Variants in AFF3 observed in about 807,000 individuals in gnomAD.
AFF3 encodes the protein ALF transcription elongation factor 3, also known as AF4/FMR2 family member 3.
Under a neutral mutation model 129.7 loss-of-function variants are expected in AFF3, and 32 were observed. The observed-to-expected ratio is 0.25, with a 90% confidence interval of 0.19 to 0.33. The LOEUF (loss-of-function observed/expected upper bound fraction) is 0.33. Among genes scored for constraint, AFF3 ranks in the 10% least tolerant of loss-of-function variants. AFF3 has a pLI of 1.00. For missense variants in AFF3, 1,373 were observed against 1,592.0 expected, an observed-to-expected ratio of 0.86 and a Z score of 2.34; for synonymous variants, 644 against 635.4, an observed-to-expected ratio of 1.01 and a Z score of -0.20.
chr2:99,762,930 C>T (rs969503822), intron 8 of AFF3, among the ~76,000 whole-genome samples: 14 of 152,234 alleles, frequency 9.2e-5, no homozygotes, highest in South Asian at 8.3e-4. Context: ...TCTTCTCACA[C>T]GTATTATTCG....
At chr2:99,561,227 T>A (rs1168769812) in intron 20 of AFF3, among the ~76,000 whole-genome samples, 1 of 152,236 alleles carries the variant, frequency 6.6e-6, no homozygotes, top group Non-Finnish European at 1.5e-5. Flanking sequence ...GCCAATCACA[T>A]AACATTGTGT....
chr2:99,643,835 G>A (rs1038354165), intron 13 of AFF3, among the ~76,000 whole-genome samples: 3 of 152,188 alleles, frequency 2.0e-5, no homozygotes, highest in African/African-American at 7.2e-5. Context: ...CTTAGTTTTA[G>A]GCAATTCCTC....
At chr2:99,694,042 C>G (rs144371514) in intron 11 of AFF3, among the ~76,000 whole-genome samples, 2 of 151,868 alleles carry the variant, frequency 1.3e-5, no homozygotes, top group African/African-American at 4.8e-5. Context: ...CTCAGCCTCC[C>G]GAGTAGCTGG....
intron 7 of AFF3, among the ~76,000 whole-genome samples, chr2:99,944,417 A>T (rs1675361211): frequency 6.6e-6 from 1 of 152,180 alleles, no homozygotes; most frequent in Non-Finnish European, 1.5e-5. Context: ...TTCACTGTAA[A>T]ATTAGAGCTA....
intron 13 of AFF3, among the ~76,000 whole-genome samples, chr2:99,640,783 C>T (rs963441991): frequency 6.6e-6 from 1 of 152,070 alleles, no homozygotes. Context: ...TAGTTAAGAC[C>T]AGACATAAAT....
At chr2:100,056,091 A>ACACAC (rs1336194890) in intron 4 of AFF3, among the ~76,000 whole-genome samples, 2 of 151,494 alleles carry the variant, frequency 1.3e-5, no homozygotes, top group Admixed American at 6.6e-5. Context: ...ACACACACAC[A>ACACAC]CACACACACA....
chr2:99,900,625 T>C (rs1694279034), intron 7 of AFF3, among the ~76,000 whole-genome samples: 1 of 152,194 alleles, frequency 6.6e-6, no homozygotes, highest in Non-Finnish European at 1.5e-5. Flanking sequence ...TCCTGCGGGC[T>C]GGTGCAGTGC....
Position 99,547,386 on chromosome 2 carries a change from T to C in AFF3, c.*4088A>G, listed in dbSNP as rs1322854972. On this transcript the variant is annotated 3_prime_UTR_variant, in exon 25 of 25. Coordinates refer to ENST00000672756, the MANE Select transcript of AFF3 (RefSeq NM_001386135.1). ...TAAATTAAGTCACAATAATATCCTG[T>C]ACATGCATTAAGGCTGGTGACTGCT... is the stretch of plus-strand genomic sequence containing the variant. 9.2e-6 allele frequency: 2 copies of C among 217,672 alleles called. No individual in the cohort carries two copies. The highest frequency in any genetic ancestry group is 1.4e-4 in the East Asian group (2 of 14,738). 13.5% of individuals were successfully genotyped at this position (217,672 alleles called of 1,614,324 possible).
chr2:100,106,675 T>A (rs549460288), intron 2 of AFF3: 1 of 986,184 alleles, frequency 1.0e-6, no homozygotes, highest in Admixed American at 6.1e-5. Context: ...CTGGGAAGCT[T>A]CTTCAGAAAG....
At chr2:99,663,910 C>G (rs145671784) in intron 12 of AFF3, among the ~76,000 whole-genome samples, 1 of 152,310 alleles carries the variant, frequency 6.6e-6, no homozygotes, top group African/African-American at 2.4e-5. Context: ...GTCCTCATGC[C>G]TTAGCTATAG....
At chr2:99,990,527 C>T (rs777504033) in intron 7 of AFF3, among the ~76,000 whole-genome samples, 4 of 151,894 alleles carry the variant, frequency 2.6e-5, no homozygotes, top group Admixed American at 2.0e-4. Context: ...AAATAACTGA[C>T]GTTTGTCCAT....
chr2:99,872,083 G>A (rs1691904722), intron 7 of AFF3, among the ~76,000 whole-genome samples: 2 of 151,640 alleles, frequency 1.3e-5, no homozygotes, highest in Admixed American at 6.6e-5. Flanking sequence ...GTGGGCGCCT[G>A]TAGTCCCAGC....
Position 100,006,642 on chromosome 2 carries a change from T to A in AFF3, c.863A>T (p.Lys288Met). ...CTGATAAAGACTCACCTCCCCCTGC[T>A]TGGGGATGCTGAACTTGGAGAGCTT... is the stretch of plus-strand genomic sequence containing the variant. Reference protein sequence around the residue: ...KAKLSKFSIPKQGEESRSGET... With the variant: ...KAKLSKFSIPMQGEESRSGET... The change falls in exon 7 of 25, where the codon AAG becomes ATG. Residue 288 changes from lysine to methionine, a missense_variant. Transcript: ENST00000672756. The A allele has an allele frequency of 6.2e-7, 1 of 1,606,344 alleles. No homozygotes were observed. The highest frequency in any genetic ancestry group is 8.5e-7 in the Non-Finnish European group (1 of 1,173,616).
chr2:99,955,759 A>G (rs950344669), intron 7 of AFF3, among the ~76,000 whole-genome samples: 2 of 152,220 alleles, frequency 1.3e-5, no homozygotes, highest in African/African-American at 4.8e-5. Flanking sequence ...CATTTAAGGA[A>G]GCGGGACACT....
At chr2:99,845,221 A>T (rs1689637960) in intron 7 of AFF3, among the ~76,000 whole-genome samples, 1 of 152,248 alleles carries the variant, frequency 6.6e-6, no homozygotes. Flanking sequence ...GAGAGTAAGT[A>T]TCAGTCTTCT....
At chr2:99,888,509 T>TTTCCTTTA (rs1187360412) in intron 7 of AFF3, among the ~76,000 whole-genome samples, 1 of 152,260 alleles carries the variant, frequency 6.6e-6, no homozygotes, top group African/African-American at 2.4e-5. Flanking sequence ...TGTATTATCT[T>TTTCCTTTA]TTCCTTTATT....
chr2:99,779,053 A>G (rs958024999), intron 8 of AFF3, among the ~76,000 whole-genome samples: 5 of 152,082 alleles, frequency 3.3e-5, no homozygotes, highest in Non-Finnish European at 7.3e-5. Flanking sequence ...TCTGGCTAGT[A>G]CTTCTAGGAT....
chr2:99,963,720 T>C (rs895114661), intron 7 of AFF3, among the ~76,000 whole-genome samples: 1 of 150,300 alleles, frequency 6.7e-6, no homozygotes, highest in Admixed American at 6.6e-5. Flanking sequence ...ATTAAGAAAA[T>C]AGAAACAGAA....
At chr2:99,927,653 A>T (rs1576365113) in intron 7 of AFF3, among the ~76,000 whole-genome samples, 1 of 152,136 alleles carries the variant, frequency 6.6e-6, no homozygotes, top group African/African-American at 2.4e-5. Flanking sequence ...CAGGGTGATT[A>T]AATAGTCTGT....
Sources: allele counts gnomAD v4.1 joint callset (sites outside exome capture counted in the v4.1 genomes callset), GRCh38; gene constraint gnomAD v4.1.1; transcripts MANE v1.5; gene names NCBI Gene and HGNC (gene_info 2026-07-23, HGNC 2026-07-21).